GBA1: variants seen among roughly 807,000 people sequenced by gnomAD.
GBA1 encodes glucosylceramidase beta 1.
the GBA1 span, chr1:155,237,334 G>T: frequency 6.2e-7 from 1 of 1,613,942 alleles, no homozygotes; most frequent in South Asian, 1.1e-5. Context: ...GGAGGTCCAG[G>T]CCTTACCACC....
At chr1:155,243,954 T>A in the GBA1 span, 2 of 152,164 alleles carry the variant, frequency 1.3e-5, no homozygotes, top group African/African-American at 2.4e-5. Context: ...GTCGCCGGGC[T>A]CCGTGAATGT....
chr1:155,241,158 G>A, the GBA1 span: 1 of 1,587,492 alleles, frequency 6.3e-7, no homozygotes, highest in Non-Finnish European at 8.7e-7. Flanking sequence ...GGGTTCCAGA[G>A]TCTCTGAAGG....
chr1:155,239,000 C>T, the GBA1 span: 5 of 353,056 alleles, frequency 1.4e-5, no homozygotes, highest in East Asian at 7.2e-5. Flanking sequence ...GGGCAGATCA[C>T]GAGGTCAGGA....
the GBA1 span, chr1:155,235,884 C>A: frequency 6.2e-7 from 1 of 1,613,836 alleles, no homozygotes; most frequent in South Asian, 1.1e-5. Flanking sequence ...AGGCGCAACA[C>A]TGGGGGTCCC....
the GBA1 span, among the ~76,000 whole-genome samples, chr1:155,243,750 C>G: frequency 6.6e-6 from 1 of 152,088 alleles, no homozygotes. Flanking sequence ...CAGGGTGAGG[C>G]ACTGCGCCCA....
chr1:155,238,989 T>A, the GBA1 span: 7 of 362,658 alleles, frequency 1.9e-5, no homozygotes, highest in Non-Finnish European at 3.8e-5. Flanking sequence ...GAGGCCGATG[T>A]GGGCAGATCA....
the GBA1 span, chr1:155,240,843 C>A: frequency 3.3e-6 from 3 of 917,804 alleles, no homozygotes; most frequent in Non-Finnish European, 5.4e-6. Context: ...AGGACAAGGC[C>A]CACAGAAACC....
the GBA1 span, chr1:155,236,392 G>C: frequency 6.2e-7 from 1 of 1,614,216 alleles, no homozygotes; most frequent in Non-Finnish European, 8.5e-7. Context: ...GGGTGGCTTT[G>C]GCTGGAGCCA....
chr1:155,241,514 G>A, the GBA1 span, among the ~76,000 whole-genome samples: 1 of 151,932 alleles, frequency 6.6e-6, no homozygotes. Context: ...TGATAGAAAT[G>A]TCAAAAAGGT....
the GBA1 span, chr1:155,237,627 C>A: frequency 5.0e-6 from 8 of 1,606,936 alleles, no homozygotes; most frequent in East Asian, 1.8e-4. Context: ...GTGGACCAGA[C>A]CAGCTGGGTG....
chr1:155,241,978 T>C, the GBA1 span, among the ~76,000 whole-genome samples: 1 of 152,172 alleles, frequency 6.6e-6, no homozygotes, highest in Non-Finnish European at 1.5e-5. Context: ...CAAAGCCATA[T>C]CCTCAGTGGA....
the GBA1 span, chr1:155,236,550 T>G: frequency 0.33 from 378,390 of 1,142,664 alleles, 69,618 homozygotes; most frequent in East Asian, 0.73. Context: ...AATCCTGGAG[T>G]TGGGTGACGG....
the GBA1 span, chr1:155,236,503 C>G: frequency 3.9e-6 from 6 of 1,532,562 alleles, no homozygotes; most frequent in Non-Finnish European, 5.4e-6. Context: ...CTGGACCTTG[C>G]ACACAGGCTT....
chr1:155,239,604 C>G, the GBA1 span: 1 of 1,614,122 alleles, frequency 6.2e-7, no homozygotes, highest in East Asian at 2.2e-5. Context: ...ATCTTGTCCC[C>G]TTCCTCCTCA....
At chr1:155,239,079 G>A in the GBA1 span, among the ~76,000 whole-genome samples, 3 of 152,056 alleles carry the variant, frequency 2.0e-5, no homozygotes, top group African/African-American at 4.8e-5. Flanking sequence ...TTAGCCGGGC[G>A]TGGTGGCAGG....
At chr1:155,242,661 C>T in the GBA1 span, among the ~76,000 whole-genome samples, 13 of 150,774 alleles carry the variant, frequency 8.6e-5, no homozygotes, top group Non-Finnish European at 1.8e-4. Flanking sequence ...TGCCCTGTTG[C>T]CCAGGCTGGA....
At chr1:155,238,150 C>A in the GBA1 span, 1 of 1,614,140 alleles carries the variant, frequency 6.2e-7, no homozygotes. Context: ...AAGTATCTGG[C>A]CCAGGTCTGG....
the GBA1 span, chr1:155,240,954 C>T: frequency 1.1e-6 from 1 of 913,700 alleles, no homozygotes. Flanking sequence ...ACTTCGACCC[C>T]TCCCTCCATC....
the GBA1 span, chr1:155,235,844 T>G: frequency 1.2e-6 from 2 of 1,614,078 alleles, no homozygotes; most frequent in Non-Finnish European, 1.7e-6. Context: ...TACAGGAGGT[T>G]CTAGGGTAAG....
Sources: allele counts gnomAD v4.1 joint callset (sites outside exome capture counted in the v4.1 genomes callset), GRCh38; gene constraint gnomAD v4.1.1; transcripts MANE v1.5; gene names NCBI Gene and HGNC (gene_info 2026-07-23, HGNC 2026-07-21).